MYO3A: variants seen among roughly 807,000 people sequenced by gnomAD.
MYO3A encodes the protein myosin-IIIa.
MYO3A carries 180 observed loss-of-function variants against 192.7 expected under a neutral mutation model. That is an observed-to-expected ratio of 0.93 (90% confidence interval 0.83 to 1.06). The LOEUF is 1.06. Ranked by LOEUF, MYO3A falls within the 50% of genes least tolerant of loss-of-function variation. The probability of loss-of-function intolerance (pLI) is 0.00; values close to 1 mark genes in which losing one functional copy is unlikely to be tolerated. For missense variants in MYO3A, 1,896 were observed against 1,905.0 expected, an observed-to-expected ratio of 1.00 and a Z score of 0.09; for synonymous variants, 628 against 645.3, an observed-to-expected ratio of 0.97 and a Z score of 0.41.
rs547860089 is a variant in MYO3A at position 26,055,820 on chromosome 10, G to A, written c.954-11155G>A. ...CAGTTGAAAGTCACTGTCATTAAAAGGTTGAAACCTAATCATATAACTATA... is the reference window on the plus strand; with the variant it reads ...CAGTTGAAAGTCACTGTCATTAAAAAGTTGAAACCTAATCATATAACTATA... On this transcript the variant is annotated intron_variant, in intron 10 of 34. Transcript: ENST00000642920. Among the ~76,000 whole-genome samples, 4 of 152,308 alleles carry A rather than the reference G, an allele frequency of 2.6e-5. No individual in the cohort carries two copies. In the East Asian group the frequency reaches 5.8e-4, roughly 22 times the overall value.
At chr10:26,065,700 T>C (rs1834795072) in intron 10 of MYO3A, among the ~76,000 whole-genome samples, 1 of 151,684 alleles carries the variant, frequency 6.6e-6, no homozygotes, top group African/African-American at 2.4e-5. Context: ...GGGAGGCAGT[T>C]TGTTGTTGTT....
chr10:26,168,711 G>A lies in MYO3A; in HGVS notation c.3112-1G>A, dbSNP rs1374539538. On this transcript the variant is annotated splice_acceptor_variant, in intron 27 of 34. Coordinates refer to ENST00000642920, the MANE Select transcript of MYO3A (RefSeq NM_017433.5). LOFTEE classifies it high-confidence loss of function. ...CTTTGTATTATATTTTAATTTTTCA[G>A]GTGTTCCTTAAGTATTATCACGTGG... is the stretch of plus-strand genomic sequence containing the variant. 1.7e-5 allele frequency: 27 copies of A among 1,612,050 alleles called. No individual in the cohort carries two copies. The highest frequency in any genetic ancestry group is 2.2e-5 in the Non-Finnish European group (26 of 1,179,168).
At chr10:26,168,979 C>A in intron 28 of MYO3A, 105 bp downstream of exon 28, 1 of 1,112,860 alleles carries the variant, frequency 9.0e-7, no homozygotes, top group Non-Finnish European at 1.3e-6. Flanking sequence ...TAATTCCAGA[C>A]TGTGTTGCCT....
intron 4 of MYO3A, among the ~76,000 whole-genome samples, chr10:25,968,931 C>A (rs1838432289): frequency 6.6e-6 from 1 of 152,170 alleles, no homozygotes; most frequent in Non-Finnish European, 1.5e-5. Context: ...GTTCAAGTAA[C>A]CCTTATTTTA....
intron 7 of MYO3A, among the ~76,000 whole-genome samples, chr10:26,020,982 T>G (rs1429177180): frequency 6.6e-6 from 1 of 152,220 alleles, no homozygotes; most frequent in Non-Finnish European, 1.5e-5. Flanking sequence ...TTAAACCTTT[T>G]GCATTCCTCC....
intron 2 of MYO3A, among the ~76,000 whole-genome samples, chr10:25,940,820 T>A (rs1048997181): frequency 1.3e-5 from 2 of 152,228 alleles, no homozygotes; most frequent in African/African-American, 4.8e-5. Flanking sequence ...TAATAACTCT[T>A]TTCTATCTGG....
At position 26,139,047 on chromosome 10, in the gene MYO3A, C is replaced by T. The variant is rs865907558; in HGVS notation, c.2263-4401C>T. Among the ~76,000 whole-genome samples the T allele has an allele frequency of 6.6e-5, 10 of 152,144 alleles. No homozygotes were observed. In the South Asian group the frequency reaches 1.7e-3, roughly 25 times the overall value. ...TAAGGAAGCCTCTGAGTCCAAAACA[C>T]GTCATGTTTCTTATTATGTGGTTTC... On this transcript the variant is annotated intron_variant, in intron 20 of 34. Transcript: ENST00000642920.
At chr10:26,043,073 G>C (rs1843439326) in intron 10 of MYO3A, among the ~76,000 whole-genome samples, 1 of 151,718 alleles carries the variant, frequency 6.6e-6, no homozygotes, top group African/African-American at 2.4e-5. Context: ...AGAAGTACTT[G>C]GATAAGATCT....
rs72787346 is a variant in MYO3A at position 26,088,402 on chromosome 10, C to T, written c.1559C>T (p.Ala520Val). 5,529 of 1,612,384 alleles carry T rather than the reference C, an allele frequency of 3.4e-3. 13 individuals are homozygous for T. The highest frequency in any genetic ancestry group is 4.4e-3 in the Non-Finnish European group (5,134 of 1,178,512). ...LLEKSRVIHQAIGEKNFHIFY... is the reference protein window; with the variant it reads ...LLEKSRVIHQVIGEKNFHIFY... ...GAAAAATCCCGAGTTATCCACCAAGCTATGTAAGTTTATTTCAAATCTCTC... is the reference window on the plus strand; with the variant it reads ...GAAAAATCCCGAGTTATCCACCAAGTTATGTAAGTTTATTTCAAATCTCTC... Residue 520 changes from alanine (A) to valine (V), a missense_variant, in exon 15 of 35, where the codon GCT becomes GTT. By Grantham distance (64) the Ala-to-Val change is moderately conservative (BLOSUM62 0). Coordinates refer to ENST00000642920, the MANE Select transcript of MYO3A (RefSeq NM_017433.5).
At chr10:26,169,090 T>C (rs1841911990) in intron 28 of MYO3A, among the ~76,000 whole-genome samples, 3 of 152,210 alleles carry the variant, frequency 2.0e-5, no homozygotes, top group African/African-American at 4.8e-5. Flanking sequence ...ATTTTTAACT[T>C]TTCTGTCAAG....
intron 9 of MYO3A, among the ~76,000 whole-genome samples, chr10:26,025,320 GC>G (rs2131108096): frequency 7.0e-6 from 1 of 143,686 alleles, no homozygotes; most frequent in African/African-American, 2.6e-5. Flanking sequence ...ATCTTTTTAT[GC>G]TTTTTTTCTT....
chr10:26,159,803 A>T lies in MYO3A; in HGVS notation c.2999+2288A>T, dbSNP rs1020200513. 3.3e-5 allele frequency among the ~76,000 whole-genome samples: 5 copies of T among 152,302 alleles called. No homozygotes were observed. In the East Asian group the frequency reaches 9.7e-4, roughly 29 times the overall value. On this transcript the variant is annotated intron_variant, in intron 26 of 34. Transcript: ENST00000642920. ...AAACATATGACTTTTGTGTTGGCCA[A>T]TCCTTATAGTAGTTTAAGACAAACC...
At chr10:26,109,776 A>G (rs1163662458) in intron 17 of MYO3A, among the ~76,000 whole-genome samples, 1 of 152,218 alleles carries the variant, frequency 6.6e-6, no homozygotes, top group East Asian at 1.9e-4. Context: ...TTACAGGTCC[A>G]GAATTTAGAA....
Position 26,067,005 on chromosome 10 carries a change from C to A in MYO3A, c.984C>A (p.Asn328Lys). The A allele has an allele frequency of 6.2e-7, 1 of 1,612,798 alleles. No homozygotes were observed. Among genetic ancestry groups the A allele is most frequent in the Middle Eastern group, 1.7e-4 (1 of 6,058 alleles). Residue 328 changes from asparagine (N) to lysine (K), a missense_variant, in exon 11 of 35, where the codon AAC becomes AAA. Physicochemically the swap from Asn to Lys is moderately conservative, Grantham distance 94. Coordinates refer to ENST00000642920, the MANE Select transcript of MYO3A (RefSeq NM_017433.5). Reference sequence around the variant, plus strand: ...AACGTATTCACACGAAGAAAGGGAACTTCAACCGACCTCTAATATCCAATC... The same window carrying A: ...AACGTATTCACACGAAGAAAGGGAAATTCAACCGACCTCTAATATCCAATC... ...RRERIHTKKG[N>K]FNRPLISNLK...
rs748403279 is a variant in MYO3A at position 26,173,623 on chromosome 10, G to A, written c.3399-40G>A. 5.1e-6 allele frequency: 8 copies of A among 1,577,284 alleles called. No individual in the cohort carries two copies. The East Asian group carries it at 1.6e-4, about 31-fold the overall frequency. ...TTGCCAATAGAAGTAATAAGCTCCA[G>A]TTTAGTACTGTATATTCAAAGATAA... On this transcript the variant is annotated intron_variant, in intron 29 of 34. Transcript: ENST00000642920.
At chr10:26,059,870 A>G (rs964377636) in intron 10 of MYO3A, among the ~76,000 whole-genome samples, 1 of 152,184 alleles carries the variant, frequency 6.6e-6, no homozygotes, top group African/African-American at 2.4e-5. Context: ...TAAAACAACA[A>G]TGACACTTTG....
chr10:25,984,669 A>G (rs1839537542), intron 4 of MYO3A, among the ~76,000 whole-genome samples: 1 of 152,134 alleles, frequency 6.6e-6, no homozygotes, highest in Non-Finnish European at 1.5e-5. Flanking sequence ...GCACAAAACC[A>G]AAAACCCTGG....
intron 7 of MYO3A, among the ~76,000 whole-genome samples, chr10:26,018,594 G>A (rs989823453): frequency 2.0e-5 from 3 of 152,246 alleles, no homozygotes; most frequent in Non-Finnish European, 2.9e-5. Context: ...ATCAAAAGTA[G>A]CATTTGCTGG....
intron 14 of MYO3A, among the ~76,000 whole-genome samples, chr10:26,081,434 T>C (rs1426115204): frequency 3.9e-5 from 6 of 151,922 alleles, no homozygotes; most frequent in African/African-American, 1.4e-4. Context: ...CAACTCCGAG[T>C]CCATTTCTAG....
Sources: gnomAD v4.1 joint callset for allele counts (sites outside exome capture counted in the v4.1 genomes callset) on GRCh38, gnomAD v4.1.1 for gene constraint, MANE v1.5 for transcripts, NCBI Gene and HGNC (gene_info 2026-07-23, HGNC 2026-07-21) for gene names.